Variants in STXBP2 observed in about 807,000 individuals in gnomAD.
The protein encoded by STXBP2 is syntaxin binding protein 2, also known as syntaxin-binding protein 2.
In STXBP2, 47 loss-of-function variants were observed where a neutral mutation model predicts 72.2. That is an observed-to-expected ratio of 0.65 (90% CI 0.51 to 0.83). The LOEUF (loss-of-function observed/expected upper bound fraction) is 0.83. Among genes scored for constraint, STXBP2 ranks in the 40% least tolerant of loss-of-function variants. The pLI, the probability that STXBP2 is intolerant of heterozygous loss-of-function variation, is 0.00. For missense variants in STXBP2, 702 were observed against 807.6 expected (o/e 0.87, Z 1.58); for synonymous variants, 367 against 338.7 (o/e 1.08, Z -0.92).
At chr19:7,636,286 C>T (rs1157328672), upstream of STXBP2, 1 of 152,146 alleles carries the variant, frequency 6.6e-6, no homozygotes, top group Non-Finnish European at 1.5e-5. Flanking sequence ...AATCGGAGAC[C>T]TCATTTTGTA....
chr19:7,640,234 CTG>C lies in STXBP2; in HGVS notation c.246+433_246+434del, dbSNP rs542899930. On this transcript the variant is annotated intron_variant, in intron 4 of 18. Transcript: ENST00000221283. ...TATGTGTCTGCGTCTGTGTGTGCGTCTGTGTGTATCTGTGTGTGCATGTGTGT... is the reference window on the plus strand; with the variant it reads ...TATGTGTCTGCGTCTGTGTGTGCGTCTGTGTATCTGTGTGTGCATGTGTGT... 606 of 490,464 alleles carry C rather than the reference CTG, an allele frequency of 1.2e-3. 2 individuals are homozygous for C. Among genetic ancestry groups the C allele is most frequent in the East Asian group, 5.0e-3 (99 of 19,694 alleles). 30.4% of individuals were successfully genotyped at this position (490,464 alleles called of 1,614,324 possible).
intron 15 of STXBP2, 164 bp from the exon 16 acceptor site, chr19:7,646,083 TTC>T: frequency 4.8e-6 from 3 of 628,854 alleles, no homozygotes; most frequent in South Asian, 1.9e-5. Context: ...GGCTCACTGT[TTC>T]TCTCTCTCGC....
In STXBP2 at chr19:7,639,719, T is replaced by G; in HGVS notation, c.170-12T>G. Reference sequence around the variant, plus strand: ...TGCCACCCACCTGTGTCCCTTCCTCTGTTCCTACTAGTTGTTGAAGACATC... The same window carrying G: ...TGCCACCCACCTGTGTCCCTTCCTCGGTTCCTACTAGTTGTTGAAGACATC... On this transcript the variant is annotated splice_polypyrimidine_tract_variant and intron_variant, in intron 3 of 18. Coordinates refer to ENST00000221283, the MANE Select transcript of STXBP2 (RefSeq NM_006949.4). The G allele has an allele frequency of 6.2e-7, 1 of 1,611,944 alleles. No homozygotes were observed. The highest frequency in any genetic ancestry group is 8.5e-7 in the Non-Finnish European group (1 of 1,179,412).
At position 7,639,744 on chromosome 19, in the gene STXBP2, CAACA is replaced by C. The variant is rs1217060412; in HGVS notation, c.187_190del (p.Lys63GlyfsTer14). 1 of 1,613,308 alleles carries C rather than the reference CAACA, an allele frequency of 6.2e-7. No individual in the cohort carries two copies. The highest frequency in any genetic ancestry group is 1.7e-5 in the Admixed American group (1 of 60,006). The stretch of plus-strand genomic sequence containing the variant: ...TGTTCCTACTAGTTGTTGAAGACAT[CAACA>C]AACGGCGGGAACCCATTCCCAGTCT... On this transcript the variant is annotated frameshift_variant, in exon 4 of 19. Transcript: ENST00000221283. LOFTEE classifies it high-confidence loss of function.
At chr19:7,631,721 T>C in the STXBP2 span, 2 of 1,446,406 alleles carry the variant, frequency 1.4e-6, no homozygotes, top group Non-Finnish European at 1.8e-6. Context: ...TGGGGGCTGC[T>C]GTTCCGACGG....
At chr19:7,630,684 G>A in the STXBP2 span, 7 of 1,534,988 alleles carry the variant, frequency 4.6e-6, 1 homozygote, top group Admixed American at 3.9e-5. Flanking sequence ...AGTGTTTGAG[G>A]GTTCATTCCA....
chr19:7,642,985 G>T lies in STXBP2; in HGVS notation c.963G>T (p.Ala321=), dbSNP rs757211999. The change falls in exon 12 of 19, where the codon GCG becomes GCT. Residue 321 remains alanine, a splice_region_variant and synonymous_variant. Transcript: ENST00000221283. This position sits in a 1 kb window ranked among gnomAD's most constrained non-coding sequence, Gnocchi z 6.0. The stretch of plus-strand genomic sequence containing the variant: ...CCCTCTTCCCCCTACTTCCCCAGGC[G>T]AACATCAAAGACCTATCCCAGATCC... ...CESKRLTTDK[A]NIKDLSQILK... 6.8e-6 allele frequency: 11 copies of T among 1,613,864 alleles called. No homozygotes were observed. In the Admixed American group the frequency reaches 1.8e-4, roughly 27 times the overall value.
chr19:7,633,175 C>T (rs1229289001), upstream of STXBP2, among the ~76,000 whole-genome samples: 2 of 152,160 alleles, frequency 1.3e-5, no homozygotes, highest in East Asian at 1.9e-4. Flanking sequence ...CCAGGAGCTA[C>T]CCCCAGGTCC....
rs889185 is a variant in STXBP2 at position 7,645,457 on chromosome 19, G to A, written c.1356+151G>A. 290,866 of 716,598 alleles carry A rather than the reference G, an allele frequency of 0.41. 63,020 individuals carry two copies. Among genetic ancestry groups the A allele is most frequent in the East Asian group, 0.72 (26,400 of 36,496 alleles). 44.4% of individuals were successfully genotyped at this position (716,598 alleles called of 1,614,324 possible). On this transcript the variant is annotated intron_variant, in intron 15 of 18. Transcript: ENST00000221283. ...GGCCAAAAGCAGTGTTTCGGGTCTG[G>A]TCTGGGGCCCAGAGGACACTGGGGC...
rs777213175 is a variant in STXBP2, at chr19:7,640,933, G to T, written c.359G>T (p.Arg120Leu). The T allele has an allele frequency of 6.2e-7, 1 of 1,614,216 alleles. No homozygotes were observed. ...GAGCCCCTGTTCAGTGAGCTAGGCC[G>T]CTCTCGTCTGGCAAAGGTGGTGAAG... ...CPEPLFSELGRSRLAKVVKTL... is the reference protein window; with the variant it reads ...CPEPLFSELGLSRLAKVVKTL... The change falls in exon 6 of 19, where the codon CGC (arginine) becomes CTC (leucine). Residue 120 changes from arginine to leucine, a missense_variant. Transcript: ENST00000221283.
rs2031943328 is a variant in STXBP2, at chr19:7,642,696, CT to C, written c.903-69del. The C allele has an allele frequency of 2.6e-6, 4 of 1,538,248 alleles. No individual in the cohort carries two copies. The highest frequency in any genetic ancestry group is 3.6e-6 in the Non-Finnish European group (4 of 1,118,164). On this transcript the variant is annotated intron_variant, in intron 10 of 18. Coordinates refer to ENST00000221283, the MANE Select transcript of STXBP2 (RefSeq NM_006949.4). This position sits in a 1 kb window ranked among gnomAD's most constrained non-coding sequence, Gnocchi z 6.0. The stretch of plus-strand genomic sequence containing the variant: ...TTCACCCCACCTCTCCCTGTCCCCC[CT>C]GAGTGGGCTCACCCATGGCCTGTGG...
intron 12 of STXBP2, 26 bp from the exon 13 acceptor site, chr19:7,643,139 C>G: frequency 6.2e-7 from 1 of 1,614,050 alleles, no homozygotes; most frequent in Non-Finnish European, 8.5e-7. Flanking sequence ...TTTGTTATCC[C>G]CCAACCCCCA....
chr19:7,632,855 G>C (rs949072266), upstream of STXBP2: 5 of 1,540,850 alleles, frequency 3.2e-6, no homozygotes, highest in Non-Finnish European at 4.4e-6. This position sits in a 1 kb window ranked among gnomAD's most constrained non-coding sequence, Gnocchi z 5.2. Flanking sequence ...GCTCAGTCTG[G>C]TTGGCCCTTC....
At position 7,644,805 on chromosome 19, in the gene STXBP2, C is replaced by T. The variant is rs1467756700; in HGVS notation, c.1246+53C>T. 12 of 1,612,150 alleles carry T rather than the reference C, an allele frequency of 7.4e-6. No individual in the cohort carries two copies. In the East Asian group the frequency reaches 1.3e-4, roughly 18 times the overall value. On this transcript the variant is annotated intron_variant, in intron 14 of 18. Coordinates refer to ENST00000221283, the MANE Select transcript of STXBP2 (RefSeq NM_006949.4). ...CGTCCCCATTTGCCAGCGTCTCCCA[C>T]GATCCTGGGAACTGCTGAACCCCAC...
the STXBP2 span, chr19:7,631,488 G>A: frequency 5.2e-6 from 8 of 1,536,502 alleles, no homozygotes; most frequent in South Asian, 9.5e-5. Context: ...AGAGATAGAG[G>A]AATTCAAAGA....
In STXBP2 at chr19:7,642,817, G is replaced by C; in HGVS notation, c.954G>C (p.Thr318=). The change falls in exon 11 of 19, where the codon ACG becomes ACC. Residue 318 remains threonine, a synonymous_variant. Coordinates refer to ENST00000221283, the MANE Select transcript of STXBP2 (RefSeq NM_006949.4). The surrounding 1 kb of genome is among the most constrained non-coding windows in gnomAD (Gnocchi z 6.0). ...RTFCESKRLT[T]DKANIKDLSQ... is the part of the protein sequence containing the mutation. ...TCTGTGAGAGCAAGAGGCTGACCAC[G>C]GACAAGGTAGGGGCGGACCCAGGTC... The C allele has an allele frequency of 1.2e-6, 2 of 1,614,070 alleles. No individual in the cohort carries two copies. Among genetic ancestry groups the C allele is most frequent in the Non-Finnish European group, 8.5e-7 (1 of 1,180,010 alleles).
chr19:7,637,316 C>T, intron 1 of STXBP2, 130 bp downstream of exon 1: 3 of 868,486 alleles, frequency 3.5e-6, no homozygotes, highest in Non-Finnish European at 3.0e-6. Context: ...GAGCACCTGA[C>T]CCTCGAGGGG....
At chr19:7,632,605 G>T, upstream of STXBP2, 1 of 1,591,336 alleles carries the variant, frequency 6.3e-7, no homozygotes, top group Non-Finnish European at 8.5e-7. This position sits in a 1 kb window ranked among gnomAD's most constrained non-coding sequence, Gnocchi z 5.2. Context: ...ATGCTTCAGG[G>T]TGCACAACCA....
At chr19:7,634,326 G>A (rs1025471175), upstream of STXBP2, among the ~76,000 whole-genome samples, 2 of 152,096 alleles carry the variant, frequency 1.3e-5, no homozygotes, top group Admixed American at 6.6e-5. Context: ...ACGCCTTTAC[G>A]GAAACCAGTG....
Sources: allele counts gnomAD v4.1 joint callset (sites outside exome capture counted in the v4.1 genomes callset), GRCh38; gene constraint gnomAD v4.1.1; non-coding constraint Gnocchi (gnomAD v3.1); transcripts MANE v1.5; gene names NCBI Gene and HGNC (gene_info 2026-07-23, HGNC 2026-07-21).